Variants in SNTG1 observed in about 807,000 individuals in gnomAD.
The protein encoded by SNTG1 is gamma-1-syntrophin.
SNTG1 carries 39 observed loss-of-function variants against 74.7 expected under a neutral mutation model. The ratio of observed to expected loss-of-function variants is 0.52; its 90% CI spans 0.40 to 0.68. The LOEUF (loss-of-function observed/expected upper bound fraction) is 0.68. Among genes scored for constraint, SNTG1 ranks in the 30% least tolerant of loss-of-function variants. The pLI, the probability that SNTG1 is intolerant of heterozygous loss-of-function variation, is 0.00. For missense variants in SNTG1, 685 were observed against 609.5 expected (o/e 1.12, Z -1.30); for synonymous variants, 254 against 217.1 (o/e 1.17, Z -1.49).
chr8:50,675,757 G>T (rs1328183737), intron 15 of SNTG1, among the ~76,000 whole-genome samples: 3 of 151,962 alleles, frequency 2.0e-5, no homozygotes, highest in Admixed American at 2.0e-4. Flanking sequence ...TAGTGTCATT[G>T]GTCTTTATAT....
intron 12 of SNTG1, among the ~76,000 whole-genome samples, chr8:50,560,463 C>G (rs2094480834): frequency 1.3e-5 from 2 of 152,176 alleles, no homozygotes; most frequent in Admixed American, 1.3e-4. Flanking sequence ...GACATTGAAT[C>G]AACCCAAATG....
rs1482375164 is a variant in SNTG1 at position 50,115,576 on chromosome 8, A to AAAAAAAAAAAAAAAAAAAAAAAAC, written c.-102-56974_-102-56973insAAAAAAAAAAAACAAAAAAAAAAA. On this transcript the variant is annotated intron_variant, in intron 1 of 18. Transcript: ENST00000642720. ...GAGCGAGACTCTGTCTCAAAAAAAAAAAAAAAAAAAACGAGATGGTTGAAG... is the reference window on the plus strand; with the variant it reads ...GAGCGAGACTCTGTCTCAAAAAAAAAAAAAAAAAAAAAAAAAAAAAAAACAAAAAAAAAAACGAGATGGTTGAAG... 1.1e-3 allele frequency among the ~76,000 whole-genome samples: 94 copies of AAAAAAAAAAAAAAAAAAAAAAAAC among 82,882 alleles called. 9 individuals carry two copies. The highest frequency in any genetic ancestry group is 4.9e-3 in the East Asian group (7 of 1,424). 54.4% of individuals were successfully genotyped at this position (82,882 alleles called of 152,430 possible).
At chr8:50,298,397 T>C (rs78882725) in intron 2 of SNTG1, among the ~76,000 whole-genome samples, 6,442 of 152,190 alleles carry the variant, frequency 0.042, 202 homozygotes, top group Middle Eastern at 0.14. Flanking sequence ...AAAGATGCAC[T>C]CTCAAGAAGA....
At chr8:50,509,891 A>G (rs1171463023) in intron 9 of SNTG1, among the ~76,000 whole-genome samples, 1 of 152,124 alleles carries the variant, frequency 6.6e-6, no homozygotes, top group Non-Finnish European at 1.5e-5. Context: ...CTCTTTTCCT[A>G]ATTGAATACC....
At chr8:50,250,458 G>C (rs1212888400) in intron 2 of SNTG1, among the ~76,000 whole-genome samples, 2 of 152,078 alleles carry the variant, frequency 1.3e-5, no homozygotes, top group African/African-American at 4.8e-5. Context: ...CCATGTCTAA[G>C]AAGCTCAAAA....
At chr8:50,182,259 A>G (rs1411687292) in intron 2 of SNTG1, among the ~76,000 whole-genome samples, 1 of 152,182 alleles carries the variant, frequency 6.6e-6, no homozygotes, top group African/African-American at 2.4e-5. Context: ...AGAATGCACC[A>G]TTCAGCTTTG....
intron 13 of SNTG1, among the ~76,000 whole-genome samples, chr8:50,612,648 A>G (rs2094858631): frequency 6.6e-6 from 1 of 152,178 alleles, no homozygotes; most frequent in South Asian, 2.1e-4. Flanking sequence ...ATGACGTTAA[A>G]AAGTTCTGGT....
At position 50,693,303 on chromosome 8, in the gene SNTG1, A is replaced by G. The variant is rs138944991; in HGVS notation, c.1039-11297A>G. ...CACTCCCCAGTGAGATGAACCTGGT[A>G]CCTCAGTTGGAAATGCAGAAATCAC... On this transcript the variant is annotated intron_variant, in intron 15 of 18. Coordinates refer to ENST00000642720, the MANE Select transcript of SNTG1 (RefSeq NM_018967.5). Among the ~76,000 whole-genome samples the G allele has an allele frequency of 3.6e-3, 553 of 152,106 alleles. 3 individuals are homozygous for G. Among genetic ancestry groups the G allele is most frequent in the Middle Eastern group, 0.014 (4 of 294 alleles).
chr8:50,048,428 C>G (rs528904934), intron 1 of SNTG1, among the ~76,000 whole-genome samples: 1 of 152,156 alleles, frequency 6.6e-6, no homozygotes, highest in Non-Finnish European at 1.5e-5. Context: ...AATGCATGAT[C>G]CTCATGTGCA....
At chr8:50,311,299 C>A (rs1245443010) in intron 2 of SNTG1, among the ~76,000 whole-genome samples, 1 of 152,146 alleles carries the variant, frequency 6.6e-6, no homozygotes, top group African/African-American at 2.4e-5. Flanking sequence ...GCCTGCAGAA[C>A]CCACACAGTG....
chr8:50,561,012 A>T (rs2094484743), intron 12 of SNTG1, among the ~76,000 whole-genome samples: 1 of 152,206 alleles, frequency 6.6e-6, no homozygotes, highest in South Asian at 2.1e-4. Flanking sequence ...GCTTCCATGT[A>T]ACTGAATGAT....
intron 9 of SNTG1, among the ~76,000 whole-genome samples, chr8:50,510,217 T>G (rs2094055563): frequency 6.6e-6 from 1 of 152,224 alleles, no homozygotes; most frequent in South Asian, 2.1e-4. Context: ...TGGATTACAT[T>G]CATTGATTTG....
At chr8:49,955,851 C>T (rs986161850) in intron 1 of SNTG1, among the ~76,000 whole-genome samples, 10 of 152,184 alleles carry the variant, frequency 6.6e-5, no homozygotes, top group African/African-American at 2.4e-4. Flanking sequence ...ATAAGCTTTT[C>T]TCAGGCTTGT....
At chr8:49,990,492 T>C (rs889321923) in intron 1 of SNTG1, among the ~76,000 whole-genome samples, 4 of 152,080 alleles carry the variant, frequency 2.6e-5, no homozygotes, top group African/African-American at 9.6e-5. Flanking sequence ...AAAAGAACAA[T>C]GTTAGAGGCC....
intron 9 of SNTG1, among the ~76,000 whole-genome samples, chr8:50,517,329 C>T (rs975914020): frequency 6.6e-6 from 1 of 152,096 alleles, no homozygotes; most frequent in Non-Finnish European, 1.5e-5. Context: ...CGATACCAGC[C>T]ACTGCAAAAG....
At chr8:50,220,682 G>C (rs974136605) in intron 2 of SNTG1, among the ~76,000 whole-genome samples, 2 of 152,186 alleles carry the variant, frequency 1.3e-5, no homozygotes, top group Non-Finnish European at 2.9e-5. Flanking sequence ...AATGGAGCAA[G>C]AGTGCAGCAC....
At chr8:50,181,044 G>T (rs574568746) in intron 2 of SNTG1, among the ~76,000 whole-genome samples, 1 of 152,106 alleles carries the variant, frequency 6.6e-6, no homozygotes, top group Non-Finnish European at 1.5e-5. Flanking sequence ...GATTACAGGC[G>T]TGAGCCACTG....
intron 2 of SNTG1, among the ~76,000 whole-genome samples, chr8:50,190,635 CT>C (rs1189440408): frequency 4.6e-5 from 7 of 152,130 alleles, no homozygotes; most frequent in African/African-American, 9.7e-5. Flanking sequence ...CTCTCTTTCT[CT>C]TTTTTTAAGT....
chr8:50,255,708 C>A (rs1171230513), intron 2 of SNTG1, among the ~76,000 whole-genome samples: 1 of 152,278 alleles, frequency 6.6e-6, no homozygotes. Flanking sequence ...ATCAGAACAT[C>A]ATTTGCATTG....
Sources: gnomAD v4.1 joint callset for allele counts (sites outside exome capture counted in the v4.1 genomes callset) on GRCh38, gnomAD v4.1.1 for gene constraint, MANE v1.5 for transcripts, NCBI Gene and HGNC (gene_info 2026-07-23, HGNC 2026-07-21) for gene names.